Variants in EVI5 observed in about 807,000 individuals in gnomAD.
EVI5 encodes ecotropic viral integration site 5, also known as ecotropic viral integration site 5 protein homolog.
In EVI5, 73 loss-of-function variants were observed where a neutral mutation model predicts 112.0. The ratio of observed to expected loss-of-function variants is 0.65; its 90% CI spans 0.54 to 0.79. The LOEUF is 0.79. EVI5 is among the 30% of genes least tolerant of loss of function. The probability of loss-of-function intolerance (pLI) is 0.00; values close to 1 mark genes in which losing one functional copy is unlikely to be tolerated. For missense variants in EVI5, 900 were observed against 968.8 expected, an observed-to-expected ratio of 0.93 and a Z score of 0.94; for synonymous variants, 305 against 319.9, an observed-to-expected ratio of 0.95 and a Z score of 0.50.
rs1659374907 is a variant in EVI5 at position 92,513,596 on chromosome 1, G to T, written c.*60C>A. The stretch of plus-strand genomic sequence containing the variant: ...ATATGAAACAAATTATTTCCAAAAA[G>T]CCCTAATCATATGATAACTGATCCC... On this transcript the variant is annotated 3_prime_UTR_variant, in exon 20 of 20. Transcript: ENST00000684568. The T allele has an allele frequency of 4.7e-6, 4 of 851,312 alleles. No individual in the cohort carries two copies. Among genetic ancestry groups the T allele is most frequent in the Admixed American group, 2.9e-5 (1 of 33,932 alleles). The allele number at this position is 851,312 out of a possible 1,614,324, so 52.7% of individuals were successfully genotyped here. A position where few individuals can be genotyped will look rare whatever the true frequency, so the allele number is the denominator to read the frequency against.
At chr1:92,665,333 GACT>G (rs1222999380) in intron 11 of EVI5, among the ~76,000 whole-genome samples, 2 of 152,098 alleles carry the variant, frequency 1.3e-5, no homozygotes, top group Non-Finnish European at 2.9e-5. Context: ...ATCTGTAAAT[GACT>G]ACAAAAGATT....
At chr1:92,635,123 G>C (rs1658473429) in intron 14 of EVI5, among the ~76,000 whole-genome samples, 1 of 152,202 alleles carries the variant, frequency 6.6e-6, no homozygotes. Flanking sequence ...GCTACTCGGG[G>C]GTCAGGGCCC....
chr1:92,654,414 G>C (rs1662673171), intron 13 of EVI5, among the ~76,000 whole-genome samples: 1 of 152,058 alleles, frequency 6.6e-6, no homozygotes, highest in African/African-American at 2.4e-5. Context: ...ACTACAACTA[G>C]CATTTGAGAA....
intron 2 of EVI5, among the ~76,000 whole-genome samples, chr1:92,704,963 C>T (rs552180707): frequency 1.4e-5 from 2 of 143,986 alleles, no homozygotes; most frequent in African/African-American, 2.5e-5. Flanking sequence ...AAGCAAATTA[C>T]GTTAAAAATT....
intron 9 of EVI5, among the ~76,000 whole-genome samples, chr1:92,693,369 G>A (rs1669801254): frequency 6.6e-6 from 1 of 152,112 alleles, no homozygotes; most frequent in Admixed American, 6.5e-5. Context: ...CTGGGTGACA[G>A]AGCAAAAGCC....
chr1:92,659,485 C>T (rs1277141193), intron 13 of EVI5, among the ~76,000 whole-genome samples: 1 of 151,964 alleles, frequency 6.6e-6, no homozygotes, highest in African/African-American at 2.4e-5. Flanking sequence ...GGCTAACAAA[C>T]ATATGAAAAA....
intron 13 of EVI5, among the ~76,000 whole-genome samples, chr1:92,638,385 A>C (rs1438137960): frequency 1.4e-5 from 2 of 147,720 alleles, no homozygotes; most frequent in Non-Finnish European, 3.0e-5. Context: ...AAATAACTCT[A>C]AACGTATTAT....
intron 19 of EVI5, among the ~76,000 whole-genome samples, chr1:92,532,219 C>T (rs1311374712): frequency 1.3e-5 from 2 of 152,138 alleles, no homozygotes; most frequent in Non-Finnish European, 2.9e-5. Context: ...GGGATCAATT[C>T]AACAGGATAA....
At chr1:92,577,239 A>G (rs1671224061) in intron 18 of EVI5, among the ~76,000 whole-genome samples, 1 of 152,224 alleles carries the variant, frequency 6.6e-6, no homozygotes, top group Non-Finnish European at 1.5e-5. Context: ...TCTGTCAGGC[A>G]TAGGCAGACT....
intron 2 of EVI5, among the ~76,000 whole-genome samples, chr1:92,705,841 A>G (rs1380483355): frequency 1.3e-5 from 2 of 152,238 alleles, no homozygotes; most frequent in African/African-American, 4.8e-5. Flanking sequence ...AAGCTGAGAA[A>G]GAAAATAAAC....
chr1:92,653,492 G>A (rs577405209), intron 13 of EVI5, among the ~76,000 whole-genome samples: 1 of 152,340 alleles, frequency 6.6e-6, no homozygotes, highest in Admixed American at 6.5e-5. Context: ...CATCCCAGGG[G>A]CCAACCTAGT....
rs371676892 is a variant in EVI5, at chr1:92,684,001, T to C, written c.1098-6783A>G. ...CTTCACGATATTATCCAAAAGAACTTCCCTAACCTAGCAAGGCAGGACAAC... is the reference window on the plus strand; with the variant it reads ...CTTCACGATATTATCCAAAAGAACTCCCCTAACCTAGCAAGGCAGGACAAC... On this transcript the variant is annotated intron_variant, in intron 9 of 19. Coordinates refer to ENST00000684568, the MANE Select transcript of EVI5 (RefSeq NM_001350197.2). Among the ~76,000 whole-genome samples, 41 of 152,112 alleles carry C rather than the reference T, an allele frequency of 2.7e-4. 1 individual carries two copies. In the South Asian group the frequency reaches 8.3e-3, roughly 31 times the overall value.
chr1:92,629,975 G>A (rs1476450050), intron 14 of EVI5, among the ~76,000 whole-genome samples: 2 of 152,076 alleles, frequency 1.3e-5, no homozygotes, highest in African/African-American at 4.8e-5. Flanking sequence ...CTTCATCCAC[G>A]TCCCTACAAA....
Position 92,647,064 on chromosome 1 carries a change from TTCCTCC to T in EVI5, c.1393-10734_1393-10729del, listed in dbSNP as rs753806295. The T allele has an allele frequency of 2.5e-5, 5 of 203,184 alleles. No individual in the cohort carries two copies. The East Asian group carries it at 4.5e-4, about 18-fold the overall frequency. 12.6% of individuals were successfully genotyped at this position (203,184 alleles called of 1,614,324 possible). A position where few individuals can be genotyped will look rare whatever the true frequency, so the allele number is the denominator to read the frequency against. Reference sequence around the variant, plus strand: ...ATTCATCATCACCTTCTTCTTCCTCTTCCTCCTCCTCCTCCTCTTCCTCACATCTTC... The same window carrying T: ...ATTCATCATCACCTTCTTCTTCCTCTTCCTCCTCCTCTTCCTCACATCTTC... On this transcript the variant is annotated intron_variant, in intron 13 of 19. Coordinates refer to ENST00000684568, the MANE Select transcript of EVI5 (RefSeq NM_001350197.2).
chr1:92,734,736 G>C (rs1280200177), intron 2 of EVI5, among the ~76,000 whole-genome samples: 1 of 152,164 alleles, frequency 6.6e-6, no homozygotes, highest in Non-Finnish European at 1.5e-5. Context: ...TAAGCTGCCA[G>C]CTGGGGGAAG....
intron 2 of EVI5, chr1:92,732,617 T>G: frequency 6.1e-6 from 1 of 164,394 alleles, no homozygotes; most frequent in Non-Finnish European, 1.3e-5. Flanking sequence ...GCTTTGACAA[T>G]AGGCTGGGCA....
intron 6 of EVI5, among the ~76,000 whole-genome samples, chr1:92,697,576 A>C (rs1352333037): frequency 1.3e-5 from 2 of 152,200 alleles, no homozygotes; most frequent in Non-Finnish European, 1.5e-5. Context: ...CAATAATAGG[A>C]TATAATAAGG....
At chr1:92,724,572 C>T (rs1278142064) in intron 2 of EVI5, among the ~76,000 whole-genome samples, 2 of 152,118 alleles carry the variant, frequency 1.3e-5, no homozygotes, top group African/African-American at 4.8e-5. Flanking sequence ...CCCTGGGAGG[C>T]CAAGGTGGGC....
chr1:92,704,453 A>T (rs1671671577), intron 3 of EVI5, 102 bp downstream of exon 3: 2 of 658,790 alleles, frequency 3.0e-6, no homozygotes, highest in African/African-American at 3.6e-5. Flanking sequence ...TTTAATATAT[A>T]GCTTGGAAGT....
Sources: gnomAD v4.1 joint callset for allele counts (sites outside exome capture counted in the v4.1 genomes callset) on GRCh38, gnomAD v4.1.1 for gene constraint, MANE v1.5 for transcripts, NCBI Gene and HGNC (gene_info 2026-07-23, HGNC 2026-07-21) for gene names.